UNC13C: variants seen among roughly 807,000 people sequenced by gnomAD.
UNC13C encodes unc-13 homolog C.
A neutral mutation model predicts 245.4 loss-of-function variants in UNC13C; 174 were observed. The observed-to-expected ratio is 0.71, with a 90% confidence interval of 0.63 to 0.80. The LOEUF is 0.80. Ranked by LOEUF, UNC13C falls within the 30% of genes least tolerant of loss-of-function variation. The pLI is 0.00. For synonymous variants in UNC13C, 992 were observed against 895.1 expected (o/e 1.11, Z -1.93); for missense variants, 2,829 against 2,602.9 (o/e 1.09, Z -1.89).
chr15:54,220,976 G>C (rs761927919), intron 4 of UNC13C, among the ~76,000 whole-genome samples: 51 of 151,954 alleles, frequency 3.4e-4, no homozygotes, highest in Non-Finnish European at 6.5e-4. Flanking sequence ...GCTCTTGCTG[G>C]CTTAGAGGAC....
chr15:54,173,987 T>C (rs1164304895), intron 4 of UNC13C, among the ~76,000 whole-genome samples: 5 of 152,180 alleles, frequency 3.3e-5, no homozygotes, highest in Non-Finnish European at 7.4e-5. Context: ...ATATAGGGAA[T>C]TAAATTGATT....
chr15:54,006,117 T>C (rs1895124273), intron 1 of UNC13C, among the ~76,000 whole-genome samples: 1 of 152,204 alleles, frequency 6.6e-6, no homozygotes. Context: ...ACTGAGATAC[T>C]ATCCTTACAA....
chr15:54,015,020 A>C lies in UNC13C; in HGVS notation c.2117A>C (p.Gln706Pro), dbSNP rs1895577332. The C allele has an allele frequency of 2.5e-6, 4 of 1,613,472 alleles. No individual in the cohort carries two copies. Among genetic ancestry groups the C allele is most frequent in the Non-Finnish European group, 3.4e-6 (4 of 1,179,734 alleles). The change falls in exon 2 of 33, where the codon CAA becomes CCA. Residue 706 changes from glutamine (Q) to proline (P), a missense_variant. Gln to Pro is a moderately conservative substitution (Grantham distance 76, BLOSUM62 -1). Transcript: ENST00000260323. ...TTGGGAAAGTGCCACAGTGATCTTCAAGATGACTCAGAGAGCTACGACTTA... is the reference window on the plus strand; with the variant it reads ...TTGGGAAAGTGCCACAGTGATCTTCCAGATGACTCAGAGAGCTACGACTTA... ...EYLGKCHSDL[Q>P]DDSESYDLTQ... is the part of the protein sequence containing the mutation.
intron 2 of UNC13C, among the ~76,000 whole-genome samples, chr15:54,130,436 G>A (rs2031342765): frequency 6.6e-6 from 1 of 151,672 alleles, no homozygotes; most frequent in Admixed American, 6.6e-5. Context: ...GGGACTACAG[G>A]CGCCTGCCAA....
intron 19 of UNC13C, among the ~76,000 whole-genome samples, chr15:54,471,252 T>C (rs1892447853): frequency 6.6e-6 from 1 of 151,480 alleles, no homozygotes; most frequent in Admixed American, 6.6e-5. Context: ...TTTTAGTTGA[T>C]TTCTCTATTT....
intron 7 of UNC13C, among the ~76,000 whole-genome samples, chr15:54,248,744 A>T (rs2036064065): frequency 6.6e-6 from 1 of 152,166 alleles, no homozygotes; most frequent in African/African-American, 2.4e-5. Context: ...AGAGCTCTGG[A>T]TTGTCCAGCC....
chr15:54,350,546 A>G (rs1169207219), intron 17 of UNC13C, among the ~76,000 whole-genome samples: 1 of 152,210 alleles, frequency 6.6e-6, no homozygotes, highest in Non-Finnish European at 1.5e-5. Context: ...AAAAAAGAGT[A>G]AGTCTAAAGG....
intron 5 of UNC13C, among the ~76,000 whole-genome samples, chr15:54,236,060 T>C (rs972497832): frequency 6.6e-6 from 1 of 151,794 alleles, no homozygotes; most frequent in Non-Finnish European, 1.5e-5. Context: ...TCTTCTATCA[T>C]CCAAAATATC....
At chr15:54,026,184 G>A (rs974165730) in intron 2 of UNC13C, among the ~76,000 whole-genome samples, 4 of 152,114 alleles carry the variant, frequency 2.6e-5, no homozygotes, top group East Asian at 1.9e-4. Flanking sequence ...ATGCAAATGG[G>A]ATATTTTAAA....
intron 4 of UNC13C, among the ~76,000 whole-genome samples, chr15:54,146,671 T>C (rs2032274242): frequency 1.3e-5 from 2 of 152,214 alleles, no homozygotes; most frequent in South Asian, 4.1e-4. Context: ...GAATTTAACA[T>C]TTATACCCTT....
intron 20 of UNC13C, among the ~76,000 whole-genome samples, chr15:54,495,614 A>G (rs943110923): frequency 6.6e-6 from 1 of 152,050 alleles, no homozygotes; most frequent in Non-Finnish European, 1.5e-5. Context: ...TATATGAGCT[A>G]TCATCCATAG....
At chr15:54,584,218 C>T (rs1299402146) in intron 30 of UNC13C, among the ~76,000 whole-genome samples, 1 of 152,126 alleles carries the variant, frequency 6.6e-6, no homozygotes, top group African/African-American at 2.4e-5. Flanking sequence ...TAAATCGCAA[C>T]AGAAAGTTTG....
intron 24 of UNC13C, among the ~76,000 whole-genome samples, chr15:54,517,387 T>C (rs1448258498): frequency 1.3e-5 from 2 of 152,196 alleles, no homozygotes; most frequent in Non-Finnish European, 2.9e-5. Context: ...CCTACTTACA[T>C]GTAGTTTATC....
intron 22 of UNC13C, among the ~76,000 whole-genome samples, chr15:54,504,636 G>T (rs1044297009): frequency 2.0e-5 from 3 of 152,086 alleles, no homozygotes; most frequent in African/African-American, 7.2e-5. Flanking sequence ...ATCTTATGTT[G>T]GATGTGTTAA....
intron 30 of UNC13C, among the ~76,000 whole-genome samples, chr15:54,603,913 G>C (rs1360719526): frequency 6.6e-6 from 1 of 152,096 alleles, no homozygotes; most frequent in African/African-American, 2.4e-5. Flanking sequence ...CCTGAGCACG[G>C]CTTTTCTTTT....
intron 30 of UNC13C, among the ~76,000 whole-genome samples, chr15:54,572,862 C>G (rs1897817980): frequency 6.6e-6 from 1 of 152,124 alleles, no homozygotes; most frequent in African/African-American, 2.4e-5. Flanking sequence ...TCTAAGTGCA[C>G]TTTTAAAAGC....
At chr15:54,198,487 A>G (rs1333155121) in intron 4 of UNC13C, among the ~76,000 whole-genome samples, 1 of 152,188 alleles carries the variant, frequency 6.6e-6, no homozygotes, top group Admixed American at 6.6e-5. Flanking sequence ...AGTGGAGCAG[A>G]TGCTGGTATC....
intron 1 of UNC13C, among the ~76,000 whole-genome samples, chr15:54,003,978 T>C (rs1199805256): frequency 6.6e-6 from 1 of 152,138 alleles, no homozygotes; most frequent in Non-Finnish European, 1.5e-5. Context: ...GCCACAGCAC[T>C]CCAGCCTGGG....
intron 2 of UNC13C, among the ~76,000 whole-genome samples, chr15:54,036,889 G>A (rs1445821620): frequency 2.0e-5 from 3 of 152,226 alleles, no homozygotes; most frequent in African/African-American, 4.8e-5. Flanking sequence ...ATTCAGTTGA[G>A]AGGATTCTGG....
Sources: gnomAD v4.1 joint callset for allele counts (sites outside exome capture counted in the v4.1 genomes callset) on GRCh38, gnomAD v4.1.1 for gene constraint, MANE v1.5 for transcripts, NCBI Gene and HGNC (gene_info 2026-07-23, HGNC 2026-07-21) for gene names.